The following GLI3 variants were observed in gnomAD, a reference collection of about 807,000 sequenced individuals.
The protein encoded by GLI3 is transcription activator GLI3.
GLI3 carries 20 observed loss-of-function variants against 100.8 expected under a neutral mutation model. The ratio of observed to expected loss-of-function variants is 0.20; its 90% confidence interval spans 0.14 to 0.29. GLI3 has a LOEUF of 0.29. GLI3 is among the 10% of genes least tolerant of loss of function. The probability of loss-of-function intolerance (pLI) is 1.00; values close to 1 mark genes in which losing one functional copy is unlikely to be tolerated. For missense variants in GLI3, 2,040 were observed against 2,128.5 expected, an observed-to-expected ratio of 0.96 and a Z score of 0.82; for synonymous variants, 938 against 860.5, an observed-to-expected ratio of 1.09 and a Z score of -1.58.
intron 2 of GLI3, among the ~76,000 whole-genome samples, chr7:42,192,382 T>A (rs916149931): frequency 6.6e-6 from 1 of 152,194 alleles, no homozygotes; most frequent in Non-Finnish European, 1.5e-5. Flanking sequence ...GAGTTCTGCC[T>A]ACACCTTTGG....
At chr7:42,045,581 A>G (rs888619816) in intron 5 of GLI3, 51 bp from the exon 6 acceptor site, 2 of 1,585,546 alleles carry the variant, frequency 1.3e-6, no homozygotes, top group African/African-American at 2.7e-5. Flanking sequence ...GGTCAACTAG[A>G]AGTTTCTCTT....
At chr7:42,043,444 G>C (rs1784183350) in intron 6 of GLI3, among the ~76,000 whole-genome samples, 1 of 152,146 alleles carries the variant, frequency 6.6e-6, no homozygotes, top group South Asian at 2.1e-4. Context: ...TTTCAGAACA[G>C]CCAAAAGAGA....
At chr7:42,205,141 G>A (rs1227487644) in intron 2 of GLI3, among the ~76,000 whole-genome samples, 1 of 152,136 alleles carries the variant, frequency 6.6e-6, no homozygotes. Context: ...CCTGCTATGT[G>A]GTGTTCTTAA....
At chr7:42,111,872 T>C (rs1785715715) in intron 3 of GLI3, among the ~76,000 whole-genome samples, 1 of 152,140 alleles carries the variant, frequency 6.6e-6, no homozygotes, top group Middle Eastern at 3.2e-3. Context: ...AGATGACCCA[T>C]TGTGAGCAGT....
At chr7:42,177,941 G>A (rs1275516800) in intron 2 of GLI3, among the ~76,000 whole-genome samples, 1 of 152,218 alleles carries the variant, frequency 6.6e-6, no homozygotes, top group Non-Finnish European at 1.5e-5. Flanking sequence ...CCCGCTAAGT[G>A]TGGGGACCAG....
chr7:42,110,180 T>G (rs1226552704), intron 3 of GLI3, among the ~76,000 whole-genome samples: 1 of 152,236 alleles, frequency 6.6e-6, no homozygotes, highest in Non-Finnish European at 1.5e-5. Flanking sequence ...CTCTGTCTTA[T>G]TCCTTTCTTC....
chr7:42,017,280 A>G (rs533018067), intron 10 of GLI3, among the ~76,000 whole-genome samples: 1 of 152,340 alleles, frequency 6.6e-6, no homozygotes, highest in Admixed American at 6.5e-5. Context: ...AATCTCACCT[A>G]AAGTATCATT....
chr7:42,052,046 A>T (rs1562704730), intron 4 of GLI3, among the ~76,000 whole-genome samples: 2 of 152,064 alleles, frequency 1.3e-5, no homozygotes, highest in Non-Finnish European at 2.9e-5. Context: ...CCCTCGCCAT[A>T]GTTTTGCCTT....
rs34005460 is a variant in GLI3, at chr7:41,987,101, G to GACACACACACAC, written c.1498-8365_1498-8354dup. On this transcript the variant is annotated intron_variant, in intron 10 of 14. Coordinates refer to ENST00000395925, the MANE Select transcript of GLI3 (RefSeq NM_000168.6). Reference sequence around the variant, plus strand: ...TACAACATACACAGACACAGACACAGACACACACACACACACACACACACA... The same window carrying GACACACACACAC: ...TACAACATACACAGACACAGACACAGACACACACACACACACACACACACACACACACACACA... Among the ~76,000 whole-genome samples the GACACACACACAC allele has an allele frequency of 2.9e-3, 405 of 140,706 alleles. 2 individuals are homozygous for GACACACACACAC. The highest frequency in any genetic ancestry group is 4.6e-3 in the South Asian group (19 of 4,106). 92.3% of individuals were successfully genotyped at this position (140,706 alleles called of 152,430 possible).
intron 1 of GLI3, among the ~76,000 whole-genome samples, chr7:42,260,402 T>A (rs1260976126): frequency 6.6e-6 from 1 of 152,214 alleles, no homozygotes; most frequent in Non-Finnish European, 1.5e-5. Flanking sequence ...CTGTTATACT[T>A]CTCTGGTAAG....
At chr7:42,060,810 A>G (rs1583520850) in intron 4 of GLI3, among the ~76,000 whole-genome samples, 3 of 152,316 alleles carry the variant, frequency 2.0e-5, no homozygotes. Flanking sequence ...CTCCTGGGAT[A>G]AGTGACATTT....
chr7:42,101,303 A>G (rs562146788), intron 3 of GLI3, among the ~76,000 whole-genome samples: 1 of 152,122 alleles, frequency 6.6e-6, no homozygotes, highest in South Asian at 2.1e-4. Context: ...TTCTGGGGTG[A>G]TAAATAAAAA....
At chr7:42,047,182 C>T (rs888438459) in intron 5 of GLI3, among the ~76,000 whole-genome samples, 9 of 152,138 alleles carry the variant, frequency 5.9e-5, no homozygotes, top group Non-Finnish European at 1.2e-4. Context: ...TTAATCCTGC[C>T]CAAAGGGCAA....
intron 13 of GLI3, 116 bp from the exon 14 acceptor site, chr7:41,968,039 G>C (rs938113795): frequency 3.4e-5 from 30 of 894,204 alleles, no homozygotes; most frequent in Non-Finnish European, 5.7e-5. Context: ...GGTTGAATGA[G>C]AAGAAAAACT....
At chr7:42,095,842 C>T (rs183430498) in intron 3 of GLI3, among the ~76,000 whole-genome samples, 1 of 152,092 alleles carries the variant, frequency 6.6e-6, no homozygotes, top group African/African-American at 2.4e-5. Flanking sequence ...GCGGGAGAGG[C>T]GATCACAGGA....
chr7:42,264,001 G>C (rs1342168913), exon 1 of GLI3, among the ~76,000 whole-genome samples: 1 of 152,182 alleles, frequency 6.6e-6, no homozygotes, highest in African/African-American at 2.4e-5. Flanking sequence ...TACTCTGGCA[G>C]CTCAGCAATG....
chr7:42,010,355 G>T (rs1048944924), intron 10 of GLI3, among the ~76,000 whole-genome samples: 1 of 152,206 alleles, frequency 6.6e-6, no homozygotes, highest in African/African-American at 2.4e-5. Context: ...GAGCTTGGAG[G>T]TTCAAGTTAA....
chr7:42,092,108 A>T (rs912791466), intron 3 of GLI3, among the ~76,000 whole-genome samples: 26 of 152,364 alleles, frequency 1.7e-4, no homozygotes, highest in African/African-American at 6.0e-4. Context: ...GGTAATTAAC[A>T]GATAACCCCG....
At chr7:42,096,701 G>A (rs1387930746) in intron 3 of GLI3, among the ~76,000 whole-genome samples, 2 of 152,178 alleles carry the variant, frequency 1.3e-5, no homozygotes, top group Non-Finnish European at 2.9e-5. Context: ...GGGGAAGGAA[G>A]AGATTCCAGA....
Sources: allele counts gnomAD v4.1 joint callset (sites outside exome capture counted in the v4.1 genomes callset), GRCh38; gene constraint gnomAD v4.1.1; transcripts MANE v1.5; gene names NCBI Gene and HGNC (gene_info 2026-07-23, HGNC 2026-07-21).